The following PRKG1 variants were observed in gnomAD, a reference collection of about 807,000 sequenced individuals.
PRKG1 encodes the protein protein kinase cGMP-dependent 1.
In PRKG1, 35 loss-of-function variants were observed where a neutral mutation model predicts 88.1. The observed-to-expected ratio is 0.40, with a 90% CI of 0.30 to 0.53. The LOEUF (loss-of-function observed/expected upper bound fraction) is 0.53, where lower values mean the gene tolerates loss of function less well. Among genes scored for constraint, PRKG1 ranks in the 20% least tolerant of loss-of-function variants. PRKG1 has a pLI of 0.59. For missense variants in PRKG1, 540 were observed against 839.8 expected (o/e 0.64, Z 4.41); for synonymous variants, 303 against 292.5 (o/e 1.04, Z -0.37).
intron 12 of PRKG1, among the ~76,000 whole-genome samples, chr10:52,279,010 G>A (rs1308454889): frequency 6.6e-6 from 1 of 152,026 alleles, no homozygotes; most frequent in East Asian, 1.9e-4. Context: ...CCATTGAGAA[G>A]GGATTTAATT....
chr10:51,550,693 G>A (rs924743363), intron 3 of PRKG1, among the ~76,000 whole-genome samples: 6 of 151,876 alleles, frequency 4.0e-5, no homozygotes, highest in East Asian at 1.9e-4. Flanking sequence ...TGGCTTATAC[G>A]AAAGATATGG....
chr10:51,697,939 A>C, intron 3 of PRKG1: 1 of 1,598,194 alleles, frequency 6.3e-7, no homozygotes, highest in Non-Finnish European at 8.5e-7. Context: ...CTCCTTGTAT[A>C]CTGACTCCTT....
At chr10:51,546,027 TTC>T (rs1228809859) in intron 3 of PRKG1, among the ~76,000 whole-genome samples, 2 of 150,238 alleles carry the variant, frequency 1.3e-5, no homozygotes, top group Non-Finnish European at 3.0e-5. Flanking sequence ...GGTTAAATTA[TTC>T]TGTTTTGTGC....
chr10:51,437,430 G>A (rs548366705), intron 2 of PRKG1, among the ~76,000 whole-genome samples: 6 of 151,816 alleles, frequency 4.0e-5, no homozygotes, highest in Admixed American at 6.6e-5. Context: ...TCTTACCTTC[G>A]CCTTTGAGTG....
intron 2 of PRKG1, among the ~76,000 whole-genome samples, chr10:51,438,758 TG>T (rs1839009430): frequency 6.6e-6 from 1 of 151,918 alleles, no homozygotes; most frequent in Non-Finnish European, 1.5e-5. Context: ...TTCATTTTAC[TG>T]GCCAATGAAG....
chr10:52,157,798 C>T (rs1277990968), intron 8 of PRKG1, among the ~76,000 whole-genome samples: 1 of 151,292 alleles, frequency 6.6e-6, no homozygotes, highest in Non-Finnish European at 1.5e-5. Flanking sequence ...CTTGTTCTTC[C>T]TTCTTCCTTC....
At chr10:51,413,178 G>A (rs1838144868) in intron 2 of PRKG1, among the ~76,000 whole-genome samples, 2 of 152,046 alleles carry the variant, frequency 1.3e-5, no homozygotes, top group Non-Finnish European at 2.9e-5. Context: ...ACATTTCTCT[G>A]CATCTTGAAG....
intron 3 of PRKG1, among the ~76,000 whole-genome samples, chr10:51,483,148 G>A (rs1345956490): frequency 6.6e-6 from 1 of 151,724 alleles, no homozygotes; most frequent in Non-Finnish European, 1.5e-5. Flanking sequence ...AGCCTCCCGA[G>A]TAGCTGGGAC....
intron 5 of PRKG1, among the ~76,000 whole-genome samples, chr10:51,993,332 AAT>A (rs1441463155): frequency 1.3e-5 from 2 of 152,182 alleles, no homozygotes; most frequent in East Asian, 1.9e-4. Flanking sequence ...CATTAAAAAA[AAT>A]ATAGTCTGCC....
In PRKG1 at chr10:51,728,586, T is replaced by A. The variant is rs116260502; in HGVS notation, c.593-75999T>A. ...TACAGAGTACTTATCTCAGAAGGGTTGTTATAAATATTAAATGAGAGTTAT... is the reference window on the plus strand; with the variant it reads ...TACAGAGTACTTATCTCAGAAGGGTAGTTATAAATATTAAATGAGAGTTAT... On this transcript the variant is annotated intron_variant, in intron 3 of 17. Coordinates refer to ENST00000373980, the MANE Select transcript of PRKG1 (RefSeq NM_006258.4). Among the ~76,000 whole-genome samples, 422 of 150,920 alleles carry A rather than the reference T, an allele frequency of 2.8e-3. 3 individuals are homozygous for A. The highest frequency in any genetic ancestry group is 9.5e-3 in the African/African-American group (390 of 41,126).
chr10:51,219,207 C>T (rs527595064), intron 2 of PRKG1, among the ~76,000 whole-genome samples: 1 of 152,182 alleles, frequency 6.6e-6, no homozygotes, highest in South Asian at 2.1e-4. Flanking sequence ...CAGTTTACAC[C>T]GAACATAACT....
chr10:51,316,685 A>AAAATAAATAAAT (rs139669190), intron 2 of PRKG1, among the ~76,000 whole-genome samples: 36 of 151,014 alleles, frequency 2.4e-4, no homozygotes, highest in African/African-American at 8.0e-4. Flanking sequence ...TCCGTCTCAA[A>AAAATAAATAAAT]AAATAAATAA....
At chr10:51,527,902 T>G (rs925060615) in intron 3 of PRKG1, among the ~76,000 whole-genome samples, 8 of 152,184 alleles carry the variant, frequency 5.3e-5, no homozygotes, top group African/African-American at 1.7e-4. Context: ...ATCTGTAAAG[T>G]GATCATACTA....
chr10:51,892,675 G>A (rs921795572), intron 4 of PRKG1, among the ~76,000 whole-genome samples: 1 of 152,196 alleles, frequency 6.6e-6, no homozygotes, highest in Non-Finnish European at 1.5e-5. Context: ...CTTGTCACAA[G>A]GATCAGGAAT....
intron 2 of PRKG1, among the ~76,000 whole-genome samples, chr10:51,163,769 A>T (rs973833535): frequency 6.6e-6 from 1 of 152,202 alleles, no homozygotes; most frequent in African/African-American, 2.4e-5. Context: ...GGAGGGTCCT[A>T]CGCCCACGGA....
chr10:51,572,545 A>G (rs1837783545), intron 3 of PRKG1, among the ~76,000 whole-genome samples: 1 of 151,894 alleles, frequency 6.6e-6, no homozygotes, highest in South Asian at 2.1e-4. Context: ...AGAGCCACAC[A>G]ATGGATTAAT....
At chr10:52,165,752 C>T (rs1028644042) in intron 9 of PRKG1, among the ~76,000 whole-genome samples, 1 of 152,140 alleles carries the variant, frequency 6.6e-6, no homozygotes, top group African/African-American at 2.4e-5. Context: ...GTAGGACTGA[C>T]TGTAAAGATT....
chr10:51,266,146 G>C (rs565364505), intron 2 of PRKG1, among the ~76,000 whole-genome samples: 1 of 152,320 alleles, frequency 6.6e-6, no homozygotes, highest in Admixed American at 6.5e-5. Context: ...CTGGGAACTA[G>C]TGGAAGATGA....
intron 3 of PRKG1, among the ~76,000 whole-genome samples, chr10:51,471,105 A>G (rs1337966971): frequency 6.6e-6 from 1 of 151,864 alleles, no homozygotes; most frequent in African/African-American, 2.4e-5. Flanking sequence ...AAAAATATAT[A>G]AAATTAACAT....
Sources: gnomAD v4.1 joint callset for allele counts (sites outside exome capture counted in the v4.1 genomes callset) on GRCh38, gnomAD v4.1.1 for gene constraint, MANE v1.5 for transcripts, NCBI Gene and HGNC (gene_info 2026-07-23, HGNC 2026-07-21) for gene names.